The following GPR158 variants were observed in gnomAD, a reference collection of about 807,000 sequenced individuals.
GPR158 encodes the protein G protein-coupled receptor 158.
In GPR158, 30 loss-of-function variants were observed where a neutral mutation model predicts 78.2. That is an observed-to-expected ratio of 0.38 (90% CI 0.29 to 0.52). The LOEUF is 0.52. Ranked by LOEUF, GPR158 falls within the 20% of genes least tolerant of loss-of-function variation. The probability of loss-of-function intolerance (pLI) is 0.83; values close to 1 mark genes in which losing one functional copy is unlikely to be tolerated. For synonymous variants in GPR158, 581 were observed against 591.1 expected, an observed-to-expected ratio of 0.98 and a Z score of 0.25; for missense variants, 1,463 against 1,523.5, an observed-to-expected ratio of 0.96 and a Z score of 0.66.
At chr10:25,184,405 C>T (rs1294260809) in intron 1 of GPR158, among the ~76,000 whole-genome samples, 1 of 152,110 alleles carries the variant, frequency 6.6e-6, no homozygotes, top group East Asian at 1.9e-4. Context: ...CTTGGCTTCC[C>T]AAAGTGCTGG....
chr10:25,486,181 G>A (rs2130642061), intron 5 of GPR158, among the ~76,000 whole-genome samples: 1 of 152,224 alleles, frequency 6.6e-6, no homozygotes. Flanking sequence ...ATATAAACAT[G>A]ATTAATTCAA....
chr10:25,476,384 G>GTTTT (rs56271781), intron 5 of GPR158, among the ~76,000 whole-genome samples: 5 of 144,426 alleles, frequency 3.5e-5, no homozygotes, highest in Non-Finnish European at 4.5e-5. Flanking sequence ...TTTAATAAGG[G>GTTTT]TTTTTTTTTT....
At chr10:25,209,129 A>G (rs1853092841) in intron 1 of GPR158, among the ~76,000 whole-genome samples, 1 of 152,082 alleles carries the variant, frequency 6.6e-6, no homozygotes, top group Admixed American at 6.5e-5. Flanking sequence ...CTGGGATTAC[A>G]GGTGTGAGCC....
intron 2 of GPR158, among the ~76,000 whole-genome samples, chr10:25,238,457 A>G (rs2130703241): frequency 6.6e-6 from 1 of 152,368 alleles, no homozygotes; most frequent in South Asian, 2.1e-4. Flanking sequence ...GAATCACAAC[A>G]TCTTTTATAT....
chr10:25,405,522 T>G (rs899314111), intron 3 of GPR158, among the ~76,000 whole-genome samples: 1 of 134,702 alleles, frequency 7.4e-6, no homozygotes, highest in African/African-American at 3.1e-5. Flanking sequence ...TTTTTTTTTT[T>G]TTTTTTGCTA....
chr10:25,354,818 T>C (rs557323796), intron 2 of GPR158, among the ~76,000 whole-genome samples: 13 of 152,118 alleles, frequency 8.5e-5, no homozygotes, highest in Admixed American at 1.3e-4. Context: ...GAAGGATAGC[T>C]TTGCAAAATA....
chr10:25,243,207 CTTG>C (rs369387222), intron 2 of GPR158, among the ~76,000 whole-genome samples: 84 of 152,330 alleles, frequency 5.5e-4, no homozygotes, highest in African/African-American at 1.9e-3. Flanking sequence ...CAGCTCTTTA[CTTG>C]TTGTGTTCAT....
intron 4 of GPR158, among the ~76,000 whole-genome samples, chr10:25,420,183 T>C (rs1253165239): frequency 1.3e-5 from 2 of 152,272 alleles, no homozygotes; most frequent in Middle Eastern, 3.4e-3. Context: ...TAGGTTTTGC[T>C]CAGTTACTCA....
At chr10:25,460,409 C>A (rs994368191) in intron 4 of GPR158, among the ~76,000 whole-genome samples, 1 of 152,050 alleles carries the variant, frequency 6.6e-6, no homozygotes, top group African/African-American at 2.4e-5. Context: ...GCCATATTGG[C>A]CAGGTGAACT....
At position 25,251,452 on chromosome 10, in the gene GPR158, T is replaced by C. The variant is rs868146977; in HGVS notation, c.1008+30295T>C. Reference sequence around the variant, plus strand: ...GGCATGAATTTGCAGCGGCTGGTACTGGTTGTTCCTTTCCATGTTTAGCGC... The same window carrying C: ...GGCATGAATTTGCAGCGGCTGGTACCGGTTGTTCCTTTCCATGTTTAGCGC... On this transcript the variant is annotated intron_variant, in intron 2 of 10. Coordinates refer to ENST00000376351, the MANE Select transcript of GPR158 (RefSeq NM_020752.3). 3.3e-3 allele frequency among the ~76,000 whole-genome samples: 501 copies of C among 152,182 alleles called. 7 individuals carry two copies. Among genetic ancestry groups the C allele is most frequent in the South Asian group, 0.02 (96 of 4,800 alleles).
At chr10:25,369,236 G>C (rs1404464735) in intron 2 of GPR158, among the ~76,000 whole-genome samples, 1 of 150,144 alleles carries the variant, frequency 6.7e-6, no homozygotes, top group Non-Finnish European at 1.5e-5. Flanking sequence ...GGGCATCCCT[G>C]TCTTGTGCCA....
rs779325556 is a variant in GPR158 at position 25,599,052 on chromosome 10, A to G, written c.3426A>G (p.Lys1142=). The G allele has an allele frequency of 6.2e-7, 1 of 1,614,056 alleles. No homozygotes were observed. The highest frequency in any genetic ancestry group is 1.1e-5 in the South Asian group (1 of 91,082). ...ENLNQIGHQE[K]KTSSSEENVR... ...TCAACCAAATAGGACACCAGGAAAA[A>G]AAGACATCTTCTTCTGAGGAGAATG... The change falls in exon 11 of 11, where the codon AAA becomes AAG. Residue 1142 remains lysine, a synonymous_variant. Transcript: ENST00000376351.
chr10:25,418,664 C>G, intron 4 of GPR158, among the ~76,000 whole-genome samples: 1 of 148,158 alleles, frequency 6.7e-6, no homozygotes, highest in Non-Finnish European at 1.5e-5. Flanking sequence ...TTCCTTACAG[C>G]TTAATAATGT....
At chr10:25,545,140 T>G (rs1182017240) in intron 5 of GPR158, among the ~76,000 whole-genome samples, 1 of 152,252 alleles carries the variant, frequency 6.6e-6, no homozygotes, top group Admixed American at 6.5e-5. Context: ...AAGTCTCTGC[T>G]GTTGTGAACA....
intron 2 of GPR158, among the ~76,000 whole-genome samples, chr10:25,352,008 A>G (rs12778817): frequency 0.08 from 11,084 of 138,140 alleles, 900 homozygotes; most frequent in African/African-American, 0.21. Flanking sequence ...TTCTTTAATA[A>G]TGCATAGCCA....
intron 2 of GPR158, among the ~76,000 whole-genome samples, chr10:25,235,003 C>G (rs967376031): frequency 6.6e-6 from 1 of 152,036 alleles, no homozygotes; most frequent in Non-Finnish European, 1.5e-5. Flanking sequence ...CTTTTTTTAT[C>G]CAAGTTTTTC....
intron 4 of GPR158, among the ~76,000 whole-genome samples, chr10:25,430,339 C>T (rs1211033688): frequency 1.3e-5 from 2 of 150,546 alleles, no homozygotes; most frequent in East Asian, 1.9e-4. Context: ...GAACTACAAA[C>T]CACTGCTCAA....
rs1191928943 is a variant in GPR158, at chr10:25,176,267, G to C, written c.847G>C (p.Val283Leu). The stretch of plus-strand genomic sequence containing the variant: ...CGGGAGTTACAAGCCCGGGTGGCTG[G>C]TTACTCTTTCCTCTGCCATCTACGG... Reference protein sequence around the residue: ...ENGSYKPGWLVTLSSAIYGLQ... With the variant: ...ENGSYKPGWLLTLSSAIYGLQ... The change falls in exon 1 of 11, where the codon GTT (valine) becomes CTT (leucine). Residue 283 changes from valine (V) to leucine (L), a missense_variant. By Grantham distance (32) the Val-to-Leu change is conservative. Transcript: ENST00000376351. The surrounding 1 kb of genome is among the most constrained non-coding windows in gnomAD (Gnocchi z 6.3). 1 of 1,610,234 alleles carries C rather than the reference G, an allele frequency of 6.2e-7. No homozygotes were observed. Among genetic ancestry groups the C allele is most frequent in the East Asian group, 2.2e-5 (1 of 44,808 alleles).
intron 4 of GPR158, among the ~76,000 whole-genome samples, chr10:25,426,209 C>A (rs934577817): frequency 1.3e-5 from 2 of 152,104 alleles, no homozygotes; most frequent in Non-Finnish European, 2.9e-5. Flanking sequence ...TTAAGCTTTG[C>A]CTTAAAGGAA....
Sources: allele counts gnomAD v4.1 joint callset (sites outside exome capture counted in the v4.1 genomes callset), GRCh38; gene constraint gnomAD v4.1.1; non-coding constraint Gnocchi (gnomAD v3.1); transcripts MANE v1.5; gene names NCBI Gene and HGNC (gene_info 2026-07-23, HGNC 2026-07-21).